DNAH7: variants seen among roughly 807,000 people sequenced by gnomAD.
DNAH7 encodes the protein dynein axonemal heavy chain 7.
DNAH7 carries 397 observed loss-of-function variants against 444.6 expected under a neutral mutation model. The observed-to-expected ratio is 0.89, with a 90% CI of 0.82 to 0.97. The LOEUF (loss-of-function observed/expected upper bound fraction) is 0.97, where lower values mean the gene tolerates loss of function less well. DNAH7 is among the 50% of genes least tolerant of loss of function. The pLI is 0.00. For missense variants in DNAH7, 4,902 were observed against 4,800.8 expected, an observed-to-expected ratio of 1.02 and a Z score of -0.62; for synonymous variants, 1,636 against 1,624.4, an observed-to-expected ratio of 1.01 and a Z score of -0.17.
Position 195,737,814 on chromosome 2 carries a change from A to G in DNAH7, c.*107T>C. The G allele has an allele frequency of 2.2e-6, 2 of 923,008 alleles. No individual in the cohort carries two copies. The highest frequency in any genetic ancestry group is 3.2e-6 in the Non-Finnish European group (2 of 618,954). 57.2% of individuals were successfully genotyped at this position (923,008 alleles called of 1,614,324 possible). The stretch of plus-strand genomic sequence containing the variant: ...TAAGTAAATTCATAATTATAACTTT[A>G]GTCAAATGTATTTAAACAAACAAAA... On this transcript the variant is annotated 3_prime_UTR_variant, in exon 65 of 65. Coordinates refer to ENST00000312428, the MANE Select transcript of DNAH7 (RefSeq NM_018897.3).
chr2:195,777,496 G>A (rs539804045), intron 59 of DNAH7, among the ~76,000 whole-genome samples: 2 of 152,262 alleles, frequency 1.3e-5, no homozygotes, highest in South Asian at 2.1e-4. Context: ...CATCTCTTAT[G>A]TATTTTCATT....
At chr2:195,943,577 T>A (rs1302276852) in intron 19 of DNAH7, among the ~76,000 whole-genome samples, 2 of 152,162 alleles carry the variant, frequency 1.3e-5, no homozygotes, top group African/African-American at 4.8e-5. Context: ...AGCATTATGT[T>A]AATTTCTGCT....
rs369899710 is a variant in DNAH7, at chr2:196,011,107, A to G, written c.989+1680T>C. Among the ~76,000 whole-genome samples the G allele has an allele frequency of 1.4e-4, 21 of 152,282 alleles. No homozygotes were observed. The East Asian group carries it at 1.5e-3, about 11-fold the overall frequency. ...TGTTTGACAGCAGTGTAATGTGACT[A>G]TAGTTAACAAGAATTTATAGTATAT... On this transcript the variant is annotated intron_variant, in intron 10 of 64. Coordinates refer to ENST00000312428, the MANE Select transcript of DNAH7 (RefSeq NM_018897.3).
chr2:195,812,578 A>C (rs751721134), intron 51 of DNAH7, among the ~76,000 whole-genome samples: 2 of 152,246 alleles, frequency 1.3e-5, no homozygotes, highest in Non-Finnish European at 2.9e-5. Context: ...AGATGATCCA[A>C]GTTATGGCAA....
intron 47 of DNAH7, among the ~76,000 whole-genome samples, chr2:195,834,583 T>C (rs1473055811): frequency 6.6e-6 from 1 of 152,232 alleles, no homozygotes; most frequent in Non-Finnish European, 1.5e-5. Flanking sequence ...CACAAGTTAT[T>C]ATACTCTTTT....
At position 195,883,241 on chromosome 2, in the gene DNAH7, A is replaced by AT. The variant is rs778329618; in HGVS notation, c.5764-1250dup. Reference sequence around the variant, plus strand: ...AGTGGGCCGATCACAAGGTCAGGAGATTGAGACCATCCTGGCTAACACGGT... The same window carrying AT: ...AGTGGGCCGATCACAAGGTCAGGAGATTTGAGACCATCCTGGCTAACACGGT... On this transcript the variant is annotated intron_variant, in intron 35 of 64. Transcript: ENST00000312428. Among the ~76,000 whole-genome samples the AT allele has an allele frequency of 5.9e-5, 9 of 152,236 alleles. No homozygotes were observed. The East Asian group carries it at 1.5e-3, about 26-fold the overall frequency.
At position 195,934,622 on chromosome 2, in the gene DNAH7, A is replaced by G; in HGVS notation, c.3440T>C (p.Leu1147Ser). 1.9e-6 allele frequency: 3 copies of G among 1,614,088 alleles called. No individual in the cohort carries two copies. The highest frequency in any genetic ancestry group is 2.5e-6 in the Non-Finnish European group (3 of 1,179,976). ...GATGGAGTTAATCATAACTCTCTCT[A>G]ATTCAACCAACCACTTCTCCACTTG... ...RGQVEKWLVE[L>S]ERVMINSIHK... is the part of the protein sequence containing the mutation. Residue 1147 changes from leucine (L) to serine (S), a missense_variant, in exon 21 of 65, where the codon TTA becomes TCA. Transcript: ENST00000312428.
chr2:195,895,552 C>T (rs536709242), intron 29 of DNAH7, among the ~76,000 whole-genome samples: 96 of 152,232 alleles, frequency 6.3e-4, no homozygotes, highest in African/African-American at 2.0e-3. Context: ...CCATCCCCCA[C>T]GTCAGCCTCC....
At chr2:195,922,964 G>T (rs978612878) in intron 23 of DNAH7, among the ~76,000 whole-genome samples, 8 of 151,924 alleles carry the variant, frequency 5.3e-5, no homozygotes, top group Non-Finnish European at 1.0e-4. Context: ...TGGGGTTCAA[G>T]CAATTCTCCC....
At chr2:195,983,664 C>T (rs1692718938) in intron 15 of DNAH7, among the ~76,000 whole-genome samples, 1 of 152,162 alleles carries the variant, frequency 6.6e-6, no homozygotes, top group Non-Finnish European at 1.5e-5. Context: ...GACAAGCATT[C>T]AAACTATATC....
Position 195,737,916 on chromosome 2 carries a change from T to G in DNAH7, c.*5A>C. 1 of 1,613,440 alleles carries G rather than the reference T, an allele frequency of 6.2e-7. No individual in the cohort carries two copies. Among genetic ancestry groups the G allele is most frequent in the Non-Finnish European group, 8.5e-7 (1 of 1,179,410 alleles). On this transcript the variant is annotated 3_prime_UTR_variant, in exon 65 of 65. Coordinates refer to ENST00000312428, the MANE Select transcript of DNAH7 (RefSeq NM_018897.3). Reference sequence around the variant, plus strand: ...AAATAGGAACAAGGAAATGATGTCTTCTGGTTATGAATTAAGTTGACATAA... The same window carrying G: ...AAATAGGAACAAGGAAATGATGTCTGCTGGTTATGAATTAAGTTGACATAA...
chr2:195,767,010 T>C (rs922585620), intron 61 of DNAH7, among the ~76,000 whole-genome samples: 1 of 152,104 alleles, frequency 6.6e-6, no homozygotes, highest in Non-Finnish European at 1.5e-5. Flanking sequence ...ACTATTTGGC[T>C]TTGTTGAGTC....
At chr2:196,026,437 A>G (rs1695692734) in intron 7 of DNAH7, among the ~76,000 whole-genome samples, 1 of 152,206 alleles carries the variant, frequency 6.6e-6, no homozygotes, top group Non-Finnish European at 1.5e-5. Flanking sequence ...TCTTAAAGGG[A>G]GAGACTATCT....
intron 1 of DNAH7, among the ~76,000 whole-genome samples, chr2:196,065,918 T>C (rs1698404760): frequency 6.6e-6 from 1 of 152,208 alleles, no homozygotes; most frequent in Non-Finnish European, 1.5e-5. Flanking sequence ...ATAAATGAAA[T>C]TCTCAAGATT....
chr2:195,771,892 T>C lies in DNAH7; in HGVS notation c.11203-2A>G, dbSNP rs1253341827. 17 of 1,613,544 alleles carry C rather than the reference T, an allele frequency of 1.1e-5. No homozygotes were observed. Among genetic ancestry groups the C allele is most frequent in the Non-Finnish European group, 1.4e-5 (17 of 1,179,536 alleles). ...TGCACCAGCACCTGCTGAACGAGAC[T>C]ATGAAGAATCCAAACTATAACTCAA... On this transcript the variant is annotated splice_acceptor_variant, in intron 60 of 64. Transcript: ENST00000312428. LOFTEE classifies it high-confidence loss of function.
intron 17 of DNAH7, among the ~76,000 whole-genome samples, 160 bp downstream of exon 17, chr2:195,969,788 G>C (rs549341523): frequency 3.9e-5 from 6 of 152,288 alleles, no homozygotes; most frequent in Non-Finnish European, 5.9e-5. Flanking sequence ...GCTATTCCTT[G>C]AAGCATGTCT....
chr2:195,764,195 A>T (rs1694469161), intron 61 of DNAH7, among the ~76,000 whole-genome samples: 3 of 151,998 alleles, frequency 2.0e-5, no homozygotes, highest in Admixed American at 2.0e-4. Flanking sequence ...TCCCTTAATG[A>T]TTAAAAAAAA....
At chr2:195,886,957 T>C (rs1447896194) in intron 33 of DNAH7, among the ~76,000 whole-genome samples, 2 of 152,140 alleles carry the variant, frequency 1.3e-5, no homozygotes, top group Non-Finnish European at 2.9e-5. Context: ...TAGAGGCAGG[T>C]GACTTCATGT....
intron 48 of DNAH7, among the ~76,000 whole-genome samples, chr2:195,831,612 A>G (rs965783852): frequency 1.3e-5 from 2 of 152,132 alleles, no homozygotes; most frequent in Non-Finnish European, 2.9e-5. Context: ...TTAAAACTTC[A>G]CTCTTCTCTG....
Sources: gnomAD v4.1 joint callset for allele counts (sites outside exome capture counted in the v4.1 genomes callset) on GRCh38, gnomAD v4.1.1 for gene constraint, MANE v1.5 for transcripts, NCBI Gene and HGNC (gene_info 2026-07-23, HGNC 2026-07-21) for gene names.